DNAH12: variants seen among roughly 807,000 people sequenced by gnomAD.
DNAH12 encodes axonemal beta dynein heavy chain 12.
DNAH12 carries 285 observed loss-of-function variants against 371.5 expected under a neutral mutation model. The ratio of observed to expected loss-of-function variants is 0.77; its 90% CI spans 0.70 to 0.85. The LOEUF (loss-of-function observed/expected upper bound fraction) is 0.85, where lower values mean the gene tolerates loss of function less well. Among genes scored for constraint, DNAH12 ranks in the 40% least tolerant of loss-of-function variants. The pLI, the probability that DNAH12 is intolerant of heterozygous loss-of-function variation, is 0.00. For missense variants in DNAH12, 3,611 were observed against 3,689.4 expected (o/e 0.98, Z 0.55); for synonymous variants, 1,200 against 1,213.0 (o/e 0.99, Z 0.22).
intron 11 of DNAH12, 140 bp from the exon 12 acceptor site, chr3:57,489,827 G>T: frequency 1.2e-6 from 1 of 805,406 alleles, no homozygotes; most frequent in Non-Finnish European, 1.8e-6. Flanking sequence ...TTTTTCCCTT[G>T]TTGCATACAT....
At position 57,470,630 on chromosome 3, in the gene DNAH12, T is replaced by G; in HGVS notation, c.1918A>C (p.Thr640Pro). The stretch of plus-strand genomic sequence containing the variant: ...CGTTTTTGTAGTTGTCTTACATCTG[T>G]CACATACTGAAAGTAAATAAGTTTT... ...AELERMQQYV[T>P]DVRQLQKRIQ... Residue 640 changes from threonine to proline, a missense_variant, in exon 16 of 74, where the codon ACA becomes CCA. By Grantham distance (38) the Thr-to-Pro change is conservative (BLOSUM62 -1). Coordinates refer to ENST00000495027, the MANE Select transcript of DNAH12 (RefSeq NM_001366028.2). The G allele has an allele frequency of 6.6e-7, 1 of 1,523,740 alleles. No individual in the cohort carries two copies. Among genetic ancestry groups the G allele is most frequent in the East Asian group, 2.5e-5 (1 of 40,710 alleles). 94.4% of individuals were successfully genotyped at this position (1,523,740 alleles called of 1,614,324 possible).
chr3:57,468,703 A>G, intron 17 of DNAH12, 33 bp downstream of exon 17: 2 of 1,244,178 alleles, frequency 1.6e-6, no homozygotes, highest in Non-Finnish European at 2.1e-6. Context: ...GAAGATAGCT[A>G]TAATATTAAA....
intron 2 of DNAH12, among the ~76,000 whole-genome samples, chr3:57,540,432 T>C (rs577741886): frequency 3.9e-5 from 6 of 152,166 alleles, no homozygotes; most frequent in Non-Finnish European, 8.8e-5. Context: ...GTGAGAGAAA[T>C]GCGTGCATGA....
intron 25 of DNAH12, 26 bp from the exon 26 acceptor site, chr3:57,446,715 G>C: frequency 6.9e-7 from 1 of 1,459,500 alleles, no homozygotes. Flanking sequence ...CATGTGAAAA[G>C]AAATCCATGC....
chr3:57,421,560 G>T lies in DNAH12; in HGVS notation c.5520C>A (p.Cys1840Ter), dbSNP rs1180922409. 6.4e-7 allele frequency: 1 copy of T among 1,551,508 alleles called. No individual in the cohort carries two copies. The highest frequency in any genetic ancestry group is 8.7e-7 in the Non-Finnish European group (1 of 1,146,964). Residue 1840 changes from cysteine to a stop codon, truncating the protein, a stop_gained, in exon 36 of 74, where the codon TGC becomes TGA. Transcript: ENST00000495027. LOFTEE classifies it high-confidence loss of function. ...PVPDSVGKWE[C>*]PFDEKGLVYD... The stretch of plus-strand genomic sequence containing the variant: ...AGACCAGGCCTTTTTCATCAAATGG[G>T]CATTCCCATTTACCCACAGAATCTG...
chr3:57,435,507 T>C (rs2153366999), intron 30 of DNAH12, among the ~76,000 whole-genome samples: 1 of 152,212 alleles, frequency 6.6e-6, no homozygotes, highest in South Asian at 2.1e-4. Flanking sequence ...CAGGAAATTT[T>C]AAAAGGTATG....
chr3:57,449,977 G>A (rs1162656966), intron 25 of DNAH12, among the ~76,000 whole-genome samples: 1 of 152,238 alleles, frequency 6.6e-6, no homozygotes, highest in Non-Finnish European at 1.5e-5. Context: ...GGTGGGCACA[G>A]TGGCTCACAC....
chr3:57,369,905 C>T (rs919410489), intron 55 of DNAH12, among the ~76,000 whole-genome samples: 20 of 152,082 alleles, frequency 1.3e-4, no homozygotes, highest in Admixed American at 3.9e-4. Context: ...AGATTCTTGT[C>T]TACTCTGAAA....
chr3:57,373,618 C>G (rs2063223009), intron 55 of DNAH12, among the ~76,000 whole-genome samples: 1 of 152,010 alleles, frequency 6.6e-6, no homozygotes, highest in South Asian at 2.1e-4. Flanking sequence ...GCCACCGTGC[C>G]CAGCCCACAA....
chr3:57,350,283 GAGAT>G (rs1311302837), intron 60 of DNAH12, among the ~76,000 whole-genome samples: 5 of 152,002 alleles, frequency 3.3e-5, no homozygotes, highest in African/African-American at 1.2e-4. Flanking sequence ...AAAACCAGTT[GAGAT>G]AAATAAAAAA....
Position 57,445,214 on chromosome 3 carries a change from T to C in DNAH12, c.4385A>G (p.Asn1462Ser). ...AVKAVLVAAG[N>S]LKLKYPNENE... Reference sequence around the variant, plus strand: ...TTCATTTGGGTATTTTAGTTTTAGATTGCCAGCAGCCACTAAAACGGCTTT... The same window carrying C: ...TTCATTTGGGTATTTTAGTTTTAGACTGCCAGCAGCCACTAAAACGGCTTT... Residue 1462 changes from asparagine to serine, a missense_variant, in exon 28 of 74, where the codon AAT (asparagine) becomes AGT (serine). Transcript: ENST00000495027. The C allele has an allele frequency of 6.5e-7, 1 of 1,549,356 alleles. No homozygotes were observed. The highest frequency in any genetic ancestry group is 1.2e-5 in the South Asian group (1 of 83,582).
intron 18 of DNAH12, 104 bp downstream of exon 18, chr3:57,462,586 T>G: frequency 7.5e-7 from 1 of 1,340,688 alleles, no homozygotes; most frequent in East Asian, 2.5e-5. Context: ...CCCCATCACC[T>G]CCCGCGCTAT....
the DNAH12 span, among the ~76,000 whole-genome samples, chr3:57,555,142 G>A: frequency 6.6e-6 from 1 of 152,082 alleles, no homozygotes; most frequent in African/African-American, 2.4e-5. Context: ...TACTTGGGAG[G>A]CTGAGGCACG....
intron 37 of DNAH12, among the ~76,000 whole-genome samples, chr3:57,419,121 A>G (rs2064483869): frequency 6.6e-6 from 1 of 152,220 alleles, no homozygotes; most frequent in South Asian, 2.1e-4. Context: ...GTGCTGTTAC[A>G]AATCAAAAAT....
intron 4 of DNAH12, among the ~76,000 whole-genome samples, chr3:57,511,471 C>T (rs2067996607): frequency 6.6e-6 from 1 of 152,156 alleles, no homozygotes; most frequent in Non-Finnish European, 1.5e-5. Context: ...AATGAAAAGA[C>T]ACTTGATCTT....
intron 30 of DNAH12, among the ~76,000 whole-genome samples, chr3:57,435,373 C>CAAAA (rs34515598): frequency 0.12 from 11,394 of 93,834 alleles, 577 homozygotes; most frequent in African/African-American, 0.15. Context: ...CTCTGTCTCC[C>CAAAA]AAAAAAAAAA....
intron 55 of DNAH12, among the ~76,000 whole-genome samples, chr3:57,373,887 A>T (rs1199343798): frequency 6.6e-6 from 1 of 152,234 alleles, no homozygotes; most frequent in Non-Finnish European, 1.5e-5. Flanking sequence ...CAATATGATT[A>T]TACACATTCT....
At chr3:57,492,259 G>A (rs1352197768) in intron 11 of DNAH12, among the ~76,000 whole-genome samples, 2 of 152,004 alleles carry the variant, frequency 1.3e-5, no homozygotes, top group Non-Finnish European at 2.9e-5. Context: ...TCAGGAGTTC[G>A]AGACCAGCCT....
chr3:57,547,175 A>AAT (rs962867538), upstream of DNAH12, among the ~76,000 whole-genome samples: 18 of 144,492 alleles, frequency 1.2e-4, no homozygotes, highest in South Asian at 6.7e-4. Context: ...TGTTTAAAAA[A>AAT]ATATATATAT....
Sources: gnomAD v4.1 joint callset for allele counts (sites outside exome capture counted in the v4.1 genomes callset) on GRCh38, gnomAD v4.1.1 for gene constraint, MANE v1.5 for transcripts, NCBI Gene and HGNC (gene_info 2026-07-23, HGNC 2026-07-21) for gene names.